The following COL1A1 variants were observed in gnomAD, a reference collection of about 807,000 sequenced individuals.
COL1A1 encodes the protein collagen alpha-1(I) chain.
COL1A1 carries 21 observed loss-of-function variants against 195.7 expected under a neutral mutation model. The observed-to-expected ratio is 0.11, with a 90% CI of 0.08 to 0.15. The LOEUF (loss-of-function observed/expected upper bound fraction) is 0.15. Among genes scored for constraint, COL1A1 ranks in the 10% least tolerant of loss-of-function variants. The pLI is 1.00. For missense variants in COL1A1, 1,365 were observed against 2,051.0 expected (o/e 0.67, Z 6.46); for synonymous variants, 749 against 747.3 (o/e 1.00, Z -0.04).
chr17:50,185,177 G>A lies in COL1A1; in HGVS notation c.*325C>T, dbSNP rs748121019. ...AGCATTGGGGTTTCATAAGCCCAACGGGCAGAAAGGGACTTACCCCCGCAT... is the reference window on the plus strand; with the variant it reads ...AGCATTGGGGTTTCATAAGCCCAACAGGCAGAAAGGGACTTACCCCCGCAT... On this transcript the variant is annotated 3_prime_UTR_variant, in exon 51 of 51. Transcript: ENST00000225964. 7 of 353,878 alleles carry A rather than the reference G, an allele frequency of 2.0e-5. No homozygotes were observed. The highest frequency in any genetic ancestry group is 4.5e-5 in the Admixed American group (1 of 22,134). 21.9% of individuals were successfully genotyped at this position (353,878 alleles called of 1,614,324 possible).
Position 50,185,257 on chromosome 17 carries a change from CTTTTTTTTTTT to C in COL1A1, c.*234_*244del. 1 of 191,288 alleles carries C rather than the reference CTTTTTTTTTTT, an allele frequency of 5.2e-6. No individual in the cohort carries two copies. The highest frequency in any genetic ancestry group is 8.5e-5 in the East Asian group (1 of 11,824). 11.8% of individuals were successfully genotyped at this position (191,288 alleles called of 1,614,324 possible). A position where few individuals can be genotyped will look rare whatever the true frequency, so the allele number is the denominator to read the frequency against. ...TTTTTTAAAAAGTTATTTATTTATTCTTTTTTTTTTTTTTTTTTTGGTAAGGTTGAATGCAC... is the reference window on the plus strand; with the variant it reads ...TTTTTTAAAAAGTTATTTATTTATTCTTTTTTTTGGTAAGGTTGAATGCAC... On this transcript the variant is annotated 3_prime_UTR_variant, in exon 51 of 51. Coordinates refer to ENST00000225964, the MANE Select transcript of COL1A1 (RefSeq NM_000088.4).
In COL1A1 at chr17:50,186,580, G is replaced by C; in HGVS notation, c.3814+60C>G. 6.2e-7 allele frequency: 1 copy of C among 1,613,038 alleles called. No individual in the cohort carries two copies. Among genetic ancestry groups the C allele is most frequent in the Non-Finnish European group, 8.5e-7 (1 of 1,179,270 alleles). ...CACCATATGGTAGGGGCACATATGG[G>C]CATGGGGACCCTGGCATGGCAGGAG... On this transcript the variant is annotated intron_variant, in intron 48 of 50. Transcript: ENST00000225964. The surrounding 1 kb of genome is among the most constrained non-coding windows in gnomAD (Gnocchi z 5.3).
At position 50,201,429 on chromosome 17, in the gene COL1A1, C is replaced by T. The variant is rs1466255265; in HGVS notation, c.85G>A (p.Glu29Lys). 6.2e-7 allele frequency: 1 copy of T among 1,613,766 alleles called. No homozygotes were observed. Among genetic ancestry groups the T allele is most frequent in the African/African-American group, 1.3e-5 (1 of 74,946 alleles). ...LTHGQEEGQV[E>K]GQDEDIPPIT... The stretch of plus-strand genomic sequence containing the variant: ...GACTTACTGTCTTCGTCTTGGCCCT[C>T]GACTTGGCCTTCCTCTTGGCCGTGC... Residue 29 changes from glutamate (E) to lysine (K), a missense_variant, in exon 1 of 51, where the codon GAG becomes AAG. Transcript: ENST00000225964.
At position 50,190,303 on chromosome 17, in the gene COL1A1, A is replaced by T; in HGVS notation, c.2451+24T>A. On this transcript the variant is annotated intron_variant, in intron 35 of 50. Coordinates refer to ENST00000225964, the MANE Select transcript of COL1A1 (RefSeq NM_000088.4). The surrounding 1 kb of genome is among the most constrained non-coding windows in gnomAD (Gnocchi z 4.7). The stretch of plus-strand genomic sequence containing the variant: ...TCCCAGGTCCCAGTCGGTGATGAAA[A>T]ATGATGGGGGTCTTGGTACTCACAG... 6.5e-7 allele frequency: 1 copy of T among 1,540,194 alleles called. No individual in the cohort carries two copies. The highest frequency in any genetic ancestry group is 9.0e-7 in the Non-Finnish European group (1 of 1,114,728).
At position 50,187,231 on chromosome 17, in the gene COL1A1, G is replaced by C. The variant is rs943565537; in HGVS notation, c.3424-109C>G. On this transcript the variant is annotated intron_variant, in intron 46 of 50. Transcript: ENST00000225964. ...GCTGGCTCTGGCCCCACGGCTCATA[G>C]AGCCAGCCTCAGCCTCTTTCCATAG... 5 of 991,810 alleles carry C rather than the reference G, an allele frequency of 5.0e-6. No homozygotes were observed. In the Admixed American group the frequency reaches 6.1e-5, roughly 12 times the overall value. 61.4% of individuals were successfully genotyped at this position (991,810 alleles called of 1,614,324 possible).
chr17:50,195,951 G>A lies in COL1A1; in HGVS notation c.1028C>T (p.Pro343Leu), dbSNP rs1428468407. The change falls in exon 16 of 51, where the codon CCT (proline) becomes CTT (leucine). Residue 343 changes from proline (P) to leucine (L), a missense_variant. By Grantham distance (98) the Pro-to-Leu change is moderately conservative. This residue lies in a region of COL1A1 where 226 missense variants were observed against 372.9 expected (regional missense o/e 0.61). Coordinates refer to ENST00000225964, the MANE Select transcript of COL1A1 (RefSeq NM_000088.4). This position sits in a 1 kb window ranked among gnomAD's most constrained non-coding sequence, Gnocchi z 4.3. ...AGCACCAACAGCACCAGGGAAGCCA[G>A]GAGGACCAGCGGGGCCGGTGGGACC... Reference protein sequence around the residue: ...PPGPTGPAGPPGFPGAVGAKG... With the variant: ...PPGPTGPAGPLGFPGAVGAKG... 3 of 1,594,146 alleles carry A rather than the reference G, an allele frequency of 1.9e-6. No homozygotes were observed. The highest frequency in any genetic ancestry group is 2.3e-5 in the East Asian group (1 of 44,154).
At chr17:50,193,773 G>A in intron 25 of COL1A1, 170 bp downstream of exon 25, 3 of 699,124 alleles carry the variant, frequency 4.3e-6, no homozygotes, top group Non-Finnish European at 7.8e-6. Flanking sequence ...GAGCCACCGT[G>A]CCCCGCCGAG....
intron 10 of COL1A1, 41 bp from the exon 11 acceptor site, chr17:50,197,104 AC>A (rs750976940): frequency 1.2e-6 from 2 of 1,614,046 alleles, no homozygotes; most frequent in South Asian, 2.2e-5. Flanking sequence ...CCATTAGAAC[AC>A]ATCACTGTGG....
rs1173349082 is a variant in COL1A1 at position 50,186,613 on chromosome 17, G to T, written c.3814+27C>A. ...ACCCTGGCATGGCAGGAGTAGGAGG[G>T]AGGGAGAGGCTAGGGCAGGCCCTCA... is the stretch of plus-strand genomic sequence containing the variant. On this transcript the variant is annotated intron_variant, in intron 48 of 50. Transcript: ENST00000225964. This position sits in a 1 kb window ranked among gnomAD's most constrained non-coding sequence, Gnocchi z 5.3. The T allele has an allele frequency of 6.2e-7, 1 of 1,613,300 alleles. No homozygotes were observed. The highest frequency in any genetic ancestry group is 1.3e-5 in the African/African-American group (1 of 74,896).
intron 15 of COL1A1, 46 bp downstream of exon 15, chr17:50,196,109 G>C: frequency 1.2e-6 from 2 of 1,612,674 alleles, no homozygotes; most frequent in Non-Finnish European, 1.7e-6. Context: ...CAGATACTGA[G>C]ACCCCTCCCC....
rs1326853898 is a variant in COL1A1 at position 50,198,013 on chromosome 17, A to C, written c.589-11T>G. On this transcript the variant is annotated splice_polypyrimidine_tract_variant and intron_variant, in intron 7 of 50. Transcript: ENST00000225964. ...GAAGCCTTGGGGACCCTTGAGAAGAAGGAAAAAGATGGGTTAGAAGACAAG... is the reference window on the plus strand; with the variant it reads ...GAAGCCTTGGGGACCCTTGAGAAGACGGAAAAAGATGGGTTAGAAGACAAG... The C allele has an allele frequency of 1.2e-6, 2 of 1,614,036 alleles. No individual in the cohort carries two copies. Among genetic ancestry groups the C allele is most frequent in the Non-Finnish European group, 1.7e-6 (2 of 1,179,956 alleles).
chr17:50,189,957 C>A lies in COL1A1; in HGVS notation c.2559+44G>T. 1 of 1,611,226 alleles carries A rather than the reference C, an allele frequency of 6.2e-7. No individual in the cohort carries two copies. Among genetic ancestry groups the A allele is most frequent in the Non-Finnish European group, 8.5e-7 (1 of 1,178,650 alleles). On this transcript the variant is annotated intron_variant, in intron 36 of 50. Coordinates refer to ENST00000225964, the MANE Select transcript of COL1A1 (RefSeq NM_000088.4). This position sits in a 1 kb window ranked among gnomAD's most constrained non-coding sequence, Gnocchi z 5.5. The stretch of plus-strand genomic sequence containing the variant: ...CATCAAGCCTGGACCCGTCCTGGGT[C>A]CCAGCCCACCAGCCTCGTGGGCACA...
Position 50,186,777 on chromosome 17 carries a change from T to C in COL1A1, c.3677A>G (p.Asp1226Gly), listed in dbSNP as rs1319157667. 3.1e-6 allele frequency: 5 copies of C among 1,613,948 alleles called. No homozygotes were observed. Among genetic ancestry groups the C allele is most frequent in the Non-Finnish European group, 3.4e-6 (4 of 1,180,036 alleles). Residue 1226 changes from aspartate (D) to glycine (G), a missense_variant, in exon 48 of 51, where the codon GAC becomes GGC. Physicochemically the swap from Asp to Gly is moderately conservative, Grantham distance 94. Coordinates refer to ENST00000225964, the MANE Select transcript of COL1A1 (RefSeq NM_000088.4). The surrounding 1 kb of genome is among the most constrained non-coding windows in gnomAD (Gnocchi z 5.3). ...YRADDANVVR[D>G]RDLEVDTTLK... ...GGTGGTGTCCACCTCGAGGTCACGGTCACGAACCACATTGGCATCATCAGC... is the reference window on the plus strand; with the variant it reads ...GGTGGTGTCCACCTCGAGGTCACGGCCACGAACCACATTGGCATCATCAGC...
At position 50,200,115 on chromosome 17, in the gene COL1A1, G is replaced by A. The variant is rs114896036; in HGVS notation, c.104-168C>T. On this transcript the variant is annotated intron_variant, in intron 1 of 50. Coordinates refer to ENST00000225964, the MANE Select transcript of COL1A1 (RefSeq NM_000088.4). ...TCGCCTGCTCCTCATCAGCGCGGGT[G>A]ACAGCGCCGAGGCGCCTGGCCAGGG... 6.3e-4 allele frequency: 477 copies of A among 755,454 alleles called. 2 individuals are homozygous for A. The African/African-American group carries it at 7.6e-3, about 12-fold the overall frequency. The allele number at this position is 755,454 out of a possible 1,614,324, so 46.8% of individuals were successfully genotyped here.
chr17:50,191,931 G>A (rs781299924), intron 30 of COL1A1, 45 bp from the exon 31 acceptor site: 14 of 1,608,706 alleles, frequency 8.7e-6, no homozygotes, highest in Non-Finnish European at 1.0e-5. Context: ...CTGGAGATAG[G>A]GCCAAGTACG....
Position 50,190,358 on chromosome 17 carries a change from G to T in COL1A1, c.2420C>A (p.Pro807His), listed in dbSNP as rs1906971902. 3 of 1,611,584 alleles carry T rather than the reference G, an allele frequency of 1.9e-6. No individual in the cohort carries two copies. Among genetic ancestry groups the T allele is most frequent in the Non-Finnish European group, 2.5e-6 (3 of 1,177,816 alleles). Residue 807 changes from proline (P) to histidine (H), a missense_variant, in exon 35 of 51, where the codon CCC becomes CAC. By Grantham distance (77) the Pro-to-His change is moderately conservative. Around this residue, in one of 5 missense-constraint regions of COL1A1, gnomAD observed 671 missense variants for 1,099.9 expected, o/e 0.61. Coordinates refer to ENST00000225964, the MANE Select transcript of COL1A1 (RefSeq NM_000088.4). The surrounding 1 kb of genome is among the most constrained non-coding windows in gnomAD (Gnocchi z 4.7). ...GAPGDRGEPGPPGPAGFAGPP... is the reference protein window; with the variant it reads ...GAPGDRGEPGHPGPAGFAGPP... ...GCCAGCAAAGCCAGCAGGGCCGGGG[G>T]GACCAGGCTCACCACGGTCTCCCTA...
rs376783395 is a variant in COL1A1, at chr17:50,195,894, C to T, written c.1056+29G>A. The stretch of plus-strand genomic sequence containing the variant: ...CATGAACCCCTTGGCCCATGAGGGT[C>T]ATGCTTAGAGGAGAGTGGGGGGTCT... On this transcript the variant is annotated intron_variant, in intron 16 of 50. Transcript: ENST00000225964. This position sits in a 1 kb window ranked among gnomAD's most constrained non-coding sequence, Gnocchi z 4.3. The T allele has an allele frequency of 3.9e-5, 61 of 1,563,844 alleles. No individual in the cohort carries two copies. Among genetic ancestry groups the T allele is most frequent in the Non-Finnish European group, 5.1e-5 (59 of 1,153,490 alleles).
chr17:50,189,689 G>A lies in COL1A1; in HGVS notation c.2657C>T (p.Pro886Leu). 6.2e-7 allele frequency: 1 copy of A among 1,614,084 alleles called. No individual in the cohort carries two copies. The highest frequency in any genetic ancestry group is 2.2e-5 in the East Asian group (1 of 44,880). ...FPGAAGRVGP[P>L]GPSGNAGPPG... ...GCTGCAGAGACTTACAGAGGGGCCA[G>A]GAGGACCGACTCGGCCAGCAGCACC... The change falls in exon 38 of 51, where the codon CCT becomes CTT. Residue 886 changes from proline (P) to leucine (L), a missense_variant. Pro to Leu is a moderately conservative substitution (Grantham distance 98, BLOSUM62 -3). Transcript: ENST00000225964. This position sits in a 1 kb window ranked among gnomAD's most constrained non-coding sequence, Gnocchi z 5.5.
Position 50,192,875 on chromosome 17 carries a change from C to T in COL1A1, c.1822-25G>A, listed in dbSNP as rs775764038. The stretch of plus-strand genomic sequence containing the variant: ...CCTGCAGGGAGAGAGCAAAGGGGAA[C>T]TCAGGGTTAGGAGGCCCCGAGCAGC... On this transcript the variant is annotated intron_variant, in intron 26 of 50. Transcript: ENST00000225964. The T allele has an allele frequency of 2.5e-6, 4 of 1,613,732 alleles. No individual in the cohort carries two copies. The South Asian group carries it at 3.3e-5, about 13-fold the overall frequency.
Sources: gnomAD v4.1 joint callset for allele counts on GRCh38, gnomAD v4.1.1 for gene constraint, gnomAD v4.1.1 regional missense constraint, Gnocchi (gnomAD v3.1) non-coding constraint, MANE v1.5 for transcripts, NCBI Gene and HGNC (gene_info 2026-07-23, HGNC 2026-07-21) for gene names.